The following FBXL5 variants were observed in gnomAD, a reference collection of about 807,000 sequenced individuals.
The protein encoded by FBXL5 is F-box/LRR-repeat protein 5.
FBXL5 carries 26 observed loss-of-function variants against 78.3 expected under a neutral mutation model. That is an observed-to-expected ratio of 0.33 (90% CI 0.24 to 0.46). The LOEUF (loss-of-function observed/expected upper bound fraction) is 0.46. FBXL5 is among the 20% of genes least tolerant of loss of function. The pLI is 1.00. For synonymous variants in FBXL5, 295 were observed against 282.5 expected (o/e 1.04, Z -0.45); for missense variants, 710 against 829.2 (o/e 0.86, Z 1.77).
intron 1 of FBXL5, among the ~76,000 whole-genome samples, chr4:15,651,952 G>A (rs1716120175): frequency 6.6e-6 from 1 of 152,114 alleles, no homozygotes. Flanking sequence ...AACTCCCTTT[G>A]CTCCCACTAT....
chr4:15,628,791 A>ACACG (rs1462095972), intron 6 of FBXL5, among the ~76,000 whole-genome samples: 6 of 78,492 alleles, frequency 7.6e-5, no homozygotes, highest in Middle Eastern at 0.014. Flanking sequence ...ACACACACGC[A>ACACG]CACACACACA....
intron 9 of FBXL5, among the ~76,000 whole-genome samples, chr4:15,617,291 C>T (rs1483894619): frequency 6.6e-6 from 1 of 152,100 alleles, no homozygotes; most frequent in Non-Finnish European, 1.5e-5. Flanking sequence ...CCTGTAATCC[C>T]AGCACTTCGG....
intron 1 of FBXL5, among the ~76,000 whole-genome samples, chr4:15,654,717 T>C (rs534929830): frequency 6.6e-6 from 1 of 151,656 alleles, no homozygotes; most frequent in Non-Finnish European, 1.5e-5. Flanking sequence ...CAGCGAGAGG[T>C]GCAGAGGATG....
At chr4:15,606,409 C>T (rs1188839454) in intron 10 of FBXL5, among the ~76,000 whole-genome samples, 3 of 151,794 alleles carry the variant, frequency 2.0e-5, no homozygotes, top group Admixed American at 6.6e-5. Flanking sequence ...TAAAAATTAT[C>T]ATTCACTTAC....
chr4:15,631,091 T>C (rs1172540555), intron 5 of FBXL5, among the ~76,000 whole-genome samples: 4 of 151,748 alleles, frequency 2.6e-5, no homozygotes, highest in African/African-American at 9.7e-5. Flanking sequence ...CCACAGGACC[T>C]AGTGTGTGAC....
intron 5 of FBXL5, among the ~76,000 whole-genome samples, chr4:15,631,289 T>A (rs1183280988): frequency 6.6e-6 from 1 of 152,250 alleles, no homozygotes; most frequent in African/African-American, 2.4e-5. Flanking sequence ...GGTGTATATG[T>A]GCCACATTTT....
rs1292111520 is a variant in FBXL5, at chr4:15,625,305, T to C, written c.1797A>G (p.Val599=). 1 of 1,614,120 alleles carries C rather than the reference T, an allele frequency of 6.2e-7. No homozygotes were observed. The highest frequency in any genetic ancestry group is 1.3e-5 in the African/African-American group (1 of 75,082). The change falls in exon 9 of 11, where the codon GTA becomes GTG. Residue 599 remains valine (V), a synonymous_variant. Coordinates refer to ENST00000341285, the MANE Select transcript of FBXL5 (RefSeq NM_012161.4). ...SEKSDQETGR[V]LLFLSLSGCY... ...ATCCAGATAAACTGAGAAACAGAAGTACACGTCCAGTCTCTTGATCAGATT... is the reference window on the plus strand; with the variant it reads ...ATCCAGATAAACTGAGAAACAGAAGCACACGTCCAGTCTCTTGATCAGATT...
chr4:15,671,462 A>T (rs941717135), intron 1 of FBXL5, among the ~76,000 whole-genome samples: 1 of 150,918 alleles, frequency 6.6e-6, no homozygotes, highest in Admixed American at 6.6e-5. Context: ...TTTAAGAGAC[A>T]GGGTCTCTCC....
chr4:15,622,752 T>G (rs769342240), intron 9 of FBXL5, among the ~76,000 whole-genome samples: 2 of 152,176 alleles, frequency 1.3e-5, no homozygotes, highest in Non-Finnish European at 2.9e-5. Context: ...TCCTTCAAGA[T>G]AAGGTTTAAT....
At chr4:15,646,800 GT>G (rs1300474064) in intron 1 of FBXL5, among the ~76,000 whole-genome samples, 2 of 150,546 alleles carry the variant, frequency 1.3e-5, no homozygotes, top group East Asian at 2.0e-4. Context: ...GCGGTGTTTG[GT>G]TTTTTTGTCC....
upstream of FBXL5, among the ~76,000 whole-genome samples, chr4:15,662,581 C>T (rs1279981805): frequency 6.6e-6 from 1 of 152,138 alleles, no homozygotes; most frequent in African/African-American, 2.4e-5. Flanking sequence ...GCTTAGAAAT[C>T]ACTGGTAATA....
chr4:15,636,326 C>A, intron 5 of FBXL5, 168 bp downstream of exon 5: 1 of 482,202 alleles, frequency 2.1e-6, no homozygotes. Flanking sequence ...CCATGAATTT[C>A]ATCACTGCTA....
chr4:15,608,724 C>T (rs1722045647), intron 10 of FBXL5, among the ~76,000 whole-genome samples: 2 of 151,930 alleles, frequency 1.3e-5, no homozygotes, highest in African/African-American at 4.8e-5. Flanking sequence ...TTAAAGAAGG[C>T]TATATGAACT....
At chr4:15,655,430 A>C (rs1035547805), upstream of FBXL5, 229 of 980,144 alleles carry the variant, frequency 2.3e-4, no homozygotes, top group Middle Eastern at 2.6e-3. Context: ...GCCGGCGGGG[A>C]CGCGGGGGCG....
At chr4:15,674,201 CGT>C (rs890827988) in intron 1 of FBXL5, among the ~76,000 whole-genome samples, 4 of 136,096 alleles carry the variant, frequency 2.9e-5, no homozygotes, top group African/African-American at 5.6e-5. Flanking sequence ...TCAAATGCAT[CGT>C]GTTTTTTTTT....
At chr4:15,657,070 C>T (rs749065571), upstream of FBXL5, among the ~76,000 whole-genome samples, 5 of 152,210 alleles carry the variant, frequency 3.3e-5, no homozygotes, top group Admixed American at 3.3e-4. Context: ...ATTAATTTCT[C>T]TCTTCCTCCT....
At chr4:15,662,178 G>A (rs916862955), upstream of FBXL5, among the ~76,000 whole-genome samples, 4 of 152,192 alleles carry the variant, frequency 2.6e-5, no homozygotes, top group African/African-American at 9.7e-5. Flanking sequence ...CCTAATAAAC[G>A]AAGGGATTAA....
intron 5 of FBXL5, among the ~76,000 whole-genome samples, chr4:15,633,376 C>T (rs1161913343): frequency 1.3e-5 from 2 of 152,198 alleles, no homozygotes; most frequent in African/African-American, 4.8e-5. Context: ...TCATTTCACA[C>T]TGGTTCCCAC....
intron 1 of FBXL5, among the ~76,000 whole-genome samples, chr4:15,667,072 AT>A (rs1717578736): frequency 6.6e-6 from 1 of 152,232 alleles, no homozygotes; most frequent in Non-Finnish European, 1.5e-5. Context: ...TATAAACCAT[AT>A]TTGTACCCAT....
Sources: gnomAD v4.1 joint callset for allele counts (sites outside exome capture counted in the v4.1 genomes callset) on GRCh38, gnomAD v4.1.1 for gene constraint, MANE v1.5 for transcripts, NCBI Gene and HGNC (gene_info 2026-07-23, HGNC 2026-07-21) for gene names.